SH3BP4: variants seen among roughly 807,000 people sequenced by gnomAD.
SH3BP4 encodes the protein SH3 domain-binding protein 4.
SH3BP4 carries 33 observed loss-of-function variants against 65.5 expected under a neutral mutation model. The observed-to-expected ratio is 0.50, with a 90% CI of 0.38 to 0.67. The LOEUF (loss-of-function observed/expected upper bound fraction) is 0.67. Among genes scored for constraint, SH3BP4 ranks in the 30% least tolerant of loss-of-function variants. The pLI is 0.00. For synonymous variants in SH3BP4, 552 were observed against 545.5 expected (o/e 1.01, Z -0.17); for missense variants, 1,134 against 1,261.4 (o/e 0.90, Z 1.53).
chr2:234,992,808 C>T (rs767124022), intron 1 of SH3BP4, among the ~76,000 whole-genome samples: 23 of 147,356 alleles, frequency 1.6e-4, no homozygotes, highest in Non-Finnish European at 3.0e-4. Flanking sequence ...CCGTGTGGCT[C>T]TGCATCAGGA....
At chr2:235,000,609 C>T (rs1694068274) in intron 2 of SH3BP4, among the ~76,000 whole-genome samples, 1 of 152,200 alleles carries the variant, frequency 6.6e-6, no homozygotes, top group Non-Finnish European at 1.5e-5. Flanking sequence ...CGTCAAGCCG[C>T]GATGTTCATG....
chr2:235,020,452 G>A (rs188850417), intron 2 of SH3BP4, among the ~76,000 whole-genome samples: 4 of 152,212 alleles, frequency 2.6e-5, no homozygotes, highest in Admixed American at 6.5e-5. Context: ...AGCCGAAATT[G>A]TACCACTGCA....
intron 1 of SH3BP4, among the ~76,000 whole-genome samples, chr2:234,966,490 A>G (rs1013507504): frequency 6.6e-6 from 1 of 152,258 alleles, no homozygotes; most frequent in African/African-American, 2.4e-5. Context: ...AACTCAGTGG[A>G]GTAAATGGTT....
chr2:235,053,888 G>A lies in SH3BP4; in HGVS notation c.*72G>A, dbSNP rs962829030. ...GCCCTGCGTGCCCTGCTGTCACCGCGGAGCTGAAGAGGGAGGAAGGGGCGG... is the reference window on the plus strand; with the variant it reads ...GCCCTGCGTGCCCTGCTGTCACCGCAGAGCTGAAGAGGGAGGAAGGGGCGG... On this transcript the variant is annotated 3_prime_UTR_variant, in exon 6 of 6. Transcript: ENST00000392011. 1.2e-5 allele frequency: 15 copies of A among 1,263,396 alleles called. No individual in the cohort carries two copies. The highest frequency in any genetic ancestry group is 3.5e-5 in the Admixed American group (2 of 57,968). 78.3% of individuals were successfully genotyped at this position (1,263,396 alleles called of 1,614,324 possible). A position where few individuals can be genotyped will look rare whatever the true frequency, so the allele number is the denominator to read the frequency against.
intron 1 of SH3BP4, among the ~76,000 whole-genome samples, chr2:234,973,105 C>T (rs1291525398): frequency 6.6e-6 from 1 of 152,168 alleles, no homozygotes; most frequent in Non-Finnish European, 1.5e-5. Flanking sequence ...TTAAAAATCA[C>T]CCGACTTCCC....
At chr2:235,008,290 G>A (rs570617150) in intron 2 of SH3BP4, among the ~76,000 whole-genome samples, 1 of 152,268 alleles carries the variant, frequency 6.6e-6, no homozygotes, top group South Asian at 2.1e-4. Context: ...CCCTTGGTGG[G>A]AGGGAGGCCC....
At position 235,034,342 on chromosome 2, in the gene SH3BP4, G is replaced by GA. The variant is rs780028258; in HGVS notation, c.-132-528dup. 3.0e-4 allele frequency among the ~76,000 whole-genome samples: 46 copies of GA among 152,140 alleles called. No homozygotes were observed. The highest frequency in any genetic ancestry group is 5.2e-4 in the Admixed American group (8 of 15,278). On this transcript the variant is annotated intron_variant, in intron 2 of 5. Transcript: ENST00000392011. This position sits in a 1 kb window ranked among gnomAD's most constrained non-coding sequence, Gnocchi z 6.2. ...GAATTGTTTATTTGGGGTGCAGGGG[G>GA]ATTTCAGGAGCGGATTGGGTAGGGA...
intron 2 of SH3BP4, among the ~76,000 whole-genome samples, chr2:235,014,035 T>G (rs1694607292): frequency 6.6e-6 from 1 of 152,152 alleles, no homozygotes; most frequent in African/African-American, 2.4e-5. Flanking sequence ...ATAAAATTGT[T>G]ATTTACTAAA....
rs373881987 is a variant in SH3BP4 at position 235,041,297 on chromosome 2, C to T, written c.528C>T (p.Pro176=). ...QTNPFLNGNV[P]VMPSLDELNP... is the part of the protein sequence containing the mutation. ...ATCCATTTCTGAATGGGAACGTGCC[C>T]GTCATGCCCAGCCTGGATGAGCTGA... The change falls in exon 4 of 6, where the codon CCC becomes CCT. Residue 176 remains proline (P), a synonymous_variant. Coordinates refer to ENST00000392011, the MANE Select transcript of SH3BP4 (RefSeq NM_014521.3). This position sits in a 1 kb window ranked among gnomAD's most constrained non-coding sequence, Gnocchi z 6.0. The T allele has an allele frequency of 3.3e-5, 54 of 1,614,010 alleles. No individual in the cohort carries two copies. The Middle Eastern group carries it at 8.2e-4, about 25-fold the overall frequency.
rs540312491 is a variant in SH3BP4, at chr2:235,041,066, C to T, written c.297C>T (p.Thr99=). 2.8e-5 allele frequency: 45 copies of T among 1,614,102 alleles called. No individual in the cohort carries two copies. The highest frequency in any genetic ancestry group is 1.5e-4 in the Admixed American group (9 of 60,024). The change falls in exon 4 of 6, where the codon ACC becomes ACT. Residue 99 remains threonine (T), a synonymous_variant. Transcript: ENST00000392011. This position sits in a 1 kb window ranked among gnomAD's most constrained non-coding sequence, Gnocchi z 6.0. ...GGEWWYAHNT[T]EMGYIPSSYV... ...AGTGGTGGTACGCACACAACACCACCGAAATGGGCTACATCCCCTCCTCCT... is the reference window on the plus strand; with the variant it reads ...AGTGGTGGTACGCACACAACACCACTGAAATGGGCTACATCCCCTCCTCCT...
At position 234,974,325 on chromosome 2, in the gene SH3BP4, A is replaced by G. The variant is rs1451947551; in HGVS notation, c.-206-20978A>G. ...GGTTGCAGTGAGCCAAGATCGCACT[A>G]TTGCACTCCAGCCTGGGCAAAGAGC... On this transcript the variant is annotated intron_variant, in intron 1 of 5. Transcript: ENST00000392011. The surrounding 1 kb of genome is among the most constrained non-coding windows in gnomAD (Gnocchi z 4.6). 6.6e-6 allele frequency among the ~76,000 whole-genome samples: 1 copy of G among 152,106 alleles called. No homozygotes were observed.
chr2:234,970,129 A>T (rs529842021), intron 1 of SH3BP4, among the ~76,000 whole-genome samples: 1 of 152,024 alleles, frequency 6.6e-6, no homozygotes, highest in East Asian at 1.9e-4. Context: ...TCACACTCTT[A>T]CACACACACT....
At position 235,053,431 on chromosome 2, in the gene SH3BP4, G is replaced by C. The variant is rs1696125865; in HGVS notation, c.2668-161G>C. Among the ~76,000 whole-genome samples, 3 of 152,324 alleles carry C rather than the reference G, an allele frequency of 2.0e-5. 1 individual carries two copies. The South Asian group carries it at 6.2e-4, about 32-fold the overall frequency. On this transcript the variant is annotated intron_variant, in intron 5 of 5. Transcript: ENST00000392011. The stretch of plus-strand genomic sequence containing the variant: ...TGGAATGTGCTGACCCTGGCCCCGA[G>C]ATGGTTCCACTGTTTCTTCTGTGGG...
In SH3BP4 at chr2:234,991,675, C is replaced by A. The variant is rs1693751897; in HGVS notation, c.-206-3628C>A. On this transcript the variant is annotated intron_variant, in intron 1 of 5. Coordinates refer to ENST00000392011, the MANE Select transcript of SH3BP4 (RefSeq NM_014521.3). The surrounding 1 kb of genome is among the most constrained non-coding windows in gnomAD (Gnocchi z 4.2). ...AACAGTGCTTGACTGAAAGATCGTA[C>A]CCCCCTCTTCTCAGCAAGGCGGTCC... Among the ~76,000 whole-genome samples, 1 of 152,216 alleles carries A rather than the reference C, an allele frequency of 6.6e-6. No homozygotes were observed.
intron 1 of SH3BP4, among the ~76,000 whole-genome samples, chr2:234,970,889 G>T (rs967879823): frequency 6.6e-6 from 1 of 151,744 alleles, no homozygotes; most frequent in Non-Finnish European, 1.5e-5. Flanking sequence ...AGGTTATCAC[G>T]CCCAGATTGA....
chr2:234,959,294 G>A (rs1363634803), intron 1 of SH3BP4, among the ~76,000 whole-genome samples: 4 of 152,128 alleles, frequency 2.6e-5, no homozygotes, highest in Non-Finnish European at 5.9e-5. Context: ...GCTGCTTGGG[G>A]GCAGTTGCAT....
intron 1 of SH3BP4, among the ~76,000 whole-genome samples, chr2:234,990,427 C>T (rs561329760): frequency 1.3e-5 from 2 of 152,366 alleles, no homozygotes; most frequent in African/African-American, 4.8e-5. Context: ...AACATTGCTT[C>T]ACCTCAACCC....
chr2:235,038,348 T>TA (rs1372099438), intron 3 of SH3BP4, among the ~76,000 whole-genome samples: 525 of 2,652 alleles, frequency 0.2, 38 homozygotes, highest in Middle Eastern at 0.5. Context: ...AGTATATATA[T>TA]TTTATATATA....
At chr2:235,038,395 AT>A (rs1306869918) in intron 3 of SH3BP4, among the ~76,000 whole-genome samples, 1 of 22,754 alleles carries the variant, frequency 4.4e-5, no homozygotes, top group Non-Finnish European at 7.6e-5. Flanking sequence ...ATATATATAT[AT>A]ATATATATAT....
Sources: allele counts gnomAD v4.1 joint callset (sites outside exome capture counted in the v4.1 genomes callset), GRCh38; gene constraint gnomAD v4.1.1; non-coding constraint Gnocchi (gnomAD v3.1); transcripts MANE v1.5; gene names NCBI Gene and HGNC (gene_info 2026-07-23, HGNC 2026-07-21).